HPSE2: variants seen among roughly 807,000 people sequenced by gnomAD.
HPSE2 encodes heparanase 2 (inactive), also known as inactive heparanase-2.
HPSE2 carries 38 observed loss-of-function variants against 60.5 expected under a neutral mutation model. The observed-to-expected ratio is 0.63, with a 90% confidence interval of 0.48 to 0.82. The LOEUF is 0.82. HPSE2 is among the 40% of genes least tolerant of loss of function. HPSE2 has a pLI of 0.00. For missense variants in HPSE2, 713 were observed against 740.4 expected, an observed-to-expected ratio of 0.96 and a Z score of 0.43; for synonymous variants, 295 against 293.2, an observed-to-expected ratio of 1.01 and a Z score of -0.06.
the HPSE2 span, among the ~76,000 whole-genome samples, chr10:99,257,972 C>T: frequency 1.3e-5 from 2 of 151,990 alleles, no homozygotes; most frequent in Admixed American, 1.3e-4. Flanking sequence ...CGATACCTGT[C>T]TCTACTAAAA....
At chr10:98,735,669 G>T (rs1410509771) in intron 4 of HPSE2, among the ~76,000 whole-genome samples, 1 of 152,164 alleles carries the variant, frequency 6.6e-6, no homozygotes, top group Non-Finnish European at 1.5e-5. Context: ...TGACCTGGAT[G>T]TGAGATATGG....
intron 2 of HPSE2, among the ~76,000 whole-genome samples, chr10:99,194,960 T>A: frequency 6.6e-6 from 1 of 151,938 alleles, no homozygotes; most frequent in East Asian, 1.9e-4. Context: ...CAAAATCCCT[T>A]ATGAACATTG....
At chr10:99,258,656 A>T in the HPSE2 span, among the ~76,000 whole-genome samples, 2 of 152,346 alleles carry the variant, frequency 1.3e-5, no homozygotes, top group East Asian at 3.9e-4. Context: ...AATCAAGGCA[A>T]TGTATTATTG....
intron 2 of HPSE2, among the ~76,000 whole-genome samples, chr10:99,208,670 G>A (rs1359920139): frequency 2.1e-5 from 3 of 146,018 alleles, no homozygotes; most frequent in Admixed American, 1.4e-4. Flanking sequence ...GGGTGACAGA[G>A]TGAGATCCAG....
At chr10:99,011,010 C>T (rs1405787430) in intron 3 of HPSE2, among the ~76,000 whole-genome samples, 1 of 61,778 alleles carries the variant, frequency 1.6e-5, no homozygotes, top group African/African-American at 5.0e-5. Flanking sequence ...CCTCCTCCCA[C>T]CCTTCAACCC....
chr10:99,244,179 G>C, the HPSE2 span, among the ~76,000 whole-genome samples: 2 of 151,304 alleles, frequency 1.3e-5, no homozygotes, highest in African/African-American at 4.9e-5. Context: ...CACCGTGCCC[G>C]GCTAATTTTT....
chr10:98,921,470 C>G (rs1262859601), intron 3 of HPSE2, among the ~76,000 whole-genome samples: 1 of 152,180 alleles, frequency 6.6e-6, no homozygotes, highest in Non-Finnish European at 1.5e-5. Context: ...TAGGGGTAGA[C>G]AGCTGGAGAG....
intron 2 of HPSE2, among the ~76,000 whole-genome samples, chr10:99,153,061 C>A (rs1220997455): frequency 6.6e-6 from 1 of 152,244 alleles, no homozygotes; most frequent in Non-Finnish European, 1.5e-5. Flanking sequence ...AAAAACTGCG[C>A]ACCACGAGAT....
At chr10:98,661,116 C>A (rs1947211933) in intron 6 of HPSE2, among the ~76,000 whole-genome samples, 1 of 152,104 alleles carries the variant, frequency 6.6e-6, no homozygotes, top group African/African-American at 2.4e-5. Context: ...CACTAATGCT[C>A]CCCTGGGAAT....
At chr10:99,162,041 A>T (rs1846865594) in intron 2 of HPSE2, among the ~76,000 whole-genome samples, 1 of 152,148 alleles carries the variant, frequency 6.6e-6, no homozygotes, top group South Asian at 2.1e-4. Context: ...GGGTATGAAG[A>T]GTTATTTTTT....
rs532455930 is a variant in HPSE2 at position 98,980,314 on chromosome 10, CT to C, written c.610+163923del. 5.9e-5 allele frequency among the ~76,000 whole-genome samples: 9 copies of C among 152,066 alleles called. No individual in the cohort carries two copies. In the South Asian group the frequency reaches 1.2e-3, roughly 21 times the overall value. On this transcript the variant is annotated intron_variant, in intron 3 of 11. Transcript: ENST00000370552. ...AATAAAGTTTATTATTTTGTTATTA[CT>C]GTTGTTAAAAATCATGGAATATTGG...
intron 3 of HPSE2, among the ~76,000 whole-genome samples, chr10:98,969,725 G>T (rs1331514493): frequency 6.6e-6 from 1 of 152,118 alleles, no homozygotes; most frequent in Non-Finnish European, 1.5e-5. Context: ...TGACCTAAAA[G>T]GTCCTGTGTT....
rs1471691823 is a variant in HPSE2, at chr10:98,505,418, A to G, written c.1321-15222T>C. Reference sequence around the variant, plus strand: ...TAAGAGTGGAATTGCTGTGTCATATACAGGTATATGTATGACACTTTACAG... The same window carrying G: ...TAAGAGTGGAATTGCTGTGTCATATGCAGGTATATGTATGACACTTTACAG... On this transcript the variant is annotated intron_variant, in intron 9 of 11. Coordinates refer to ENST00000370552, the MANE Select transcript of HPSE2 (RefSeq NM_021828.5). Among the ~76,000 whole-genome samples the G allele has an allele frequency of 2.6e-5, 4 of 152,286 alleles. No homozygotes were observed. In the East Asian group the frequency reaches 7.7e-4, roughly 29 times the overall value.
chr10:99,203,866 G>GCCCGCTCCGCC (rs78743483), intron 2 of HPSE2, among the ~76,000 whole-genome samples: 74,630 of 151,688 alleles, frequency 0.49, 21,541 homozygotes, highest in Non-Finnish European at 0.64. Context: ...CAGAAGCCAG[G>GCCCGCTCCGCC]ACCGCTCCAC....
At chr10:98,532,936 G>A (rs1943175634) in intron 9 of HPSE2, among the ~76,000 whole-genome samples, 1 of 152,066 alleles carries the variant, frequency 6.6e-6, no homozygotes, top group Non-Finnish European at 1.5e-5. Flanking sequence ...CTCTTTCATG[G>A]GCCTGAGCCT....
At chr10:99,140,660 C>T (rs761876157) in intron 3 of HPSE2, among the ~76,000 whole-genome samples, 2 of 152,062 alleles carry the variant, frequency 1.3e-5, no homozygotes, top group Admixed American at 6.6e-5. Context: ...CAATTTATAC[C>T]TCAAGGGGAG....
At chr10:99,050,962 T>C (rs187066926) in intron 3 of HPSE2, among the ~76,000 whole-genome samples, 1 of 152,224 alleles carries the variant, frequency 6.6e-6, no homozygotes, top group African/African-American at 2.4e-5. Flanking sequence ...CGTGTGTGTG[T>C]GTGTGTGTGT....
chr10:99,287,077 A>G, the HPSE2 span, among the ~76,000 whole-genome samples: 2 of 152,130 alleles, frequency 1.3e-5, no homozygotes, highest in African/African-American at 4.8e-5. Context: ...TATCTCCAGC[A>G]TCTAGTACAG....
At chr10:99,179,504 A>G (rs529189881) in intron 2 of HPSE2, among the ~76,000 whole-genome samples, 10 of 152,214 alleles carry the variant, frequency 6.6e-5, no homozygotes, top group Non-Finnish European at 1.3e-4. Context: ...GTGAACTTCC[A>G]TTCACAATTG....
Sources: gnomAD v4.1 joint callset for allele counts (sites outside exome capture counted in the v4.1 genomes callset) on GRCh38, gnomAD v4.1.1 for gene constraint, MANE v1.5 for transcripts, NCBI Gene and HGNC (gene_info 2026-07-23, HGNC 2026-07-21) for gene names.